The following MEI4 variants were observed in gnomAD, a reference collection of about 807,000 sequenced individuals.
MEI4 encodes meiosis-specific protein MEI4.
Under a neutral mutation model 31.4 loss-of-function variants are expected in MEI4, and 27 were observed. The observed-to-expected ratio is 0.86, with a 90% CI of 0.63 to 1.19. The LOEUF is 1.19. Among genes scored for constraint, MEI4 ranks in the 50% most tolerant of loss-of-function variants. MEI4 has a pLI of 0.00. For missense variants in MEI4, 329 were observed against 398.9 expected, an observed-to-expected ratio of 0.82 and a Z score of 1.49; for synonymous variants, 122 against 145.4, an observed-to-expected ratio of 0.84 and a Z score of 1.16.
intron 2 of MEI4, among the ~76,000 whole-genome samples, chr6:77,730,226 T>C (rs556135692): frequency 3.3e-5 from 5 of 152,150 alleles, no homozygotes; most frequent in Non-Finnish European, 5.9e-5. Flanking sequence ...TCAGTAATTT[T>C]ATTGTTTTTA....
chr6:77,798,019 AAAT>A (rs1181783992), intron 3 of MEI4, among the ~76,000 whole-genome samples: 1 of 152,160 alleles, frequency 6.6e-6, no homozygotes, highest in Non-Finnish European at 1.5e-5. Context: ...TTTATAATAT[AAAT>A]AATAATAGTA....
At chr6:77,785,808 C>A (rs989677672) in intron 3 of MEI4, among the ~76,000 whole-genome samples, 3 of 152,110 alleles carry the variant, frequency 2.0e-5, no homozygotes, top group Non-Finnish European at 4.4e-5. Context: ...GAAGGAACTG[C>A]CATTTTTTTG....
At chr6:77,714,563 A>G (rs1434593995) in intron 2 of MEI4, among the ~76,000 whole-genome samples, 2 of 152,248 alleles carry the variant, frequency 1.3e-5, no homozygotes, top group African/African-American at 2.4e-5. Flanking sequence ...AGGAGCTTCA[A>G]TGAATTAAAA....
rs182464308 is a variant in MEI4, at chr6:77,761,298, C to G, written c.401C>G (p.Pro134Arg). The change falls in exon 3 of 5, where the codon CCT (proline) becomes CGT (arginine). Residue 134 changes from proline to arginine, a missense_variant. Physicochemically the swap from Pro to Arg is moderately radical, Grantham distance 103. Transcript: ENST00000684080. The part of the protein sequence containing the change: ...SCTPTHFPPL[P>R]LVKRPCAILQ... ...ACCCCCACTCACTTTCCACCACTGC[C>G]TCTTGTGAAAAGACCTTGTGCTATC... 208 of 1,232,652 alleles carry G rather than the reference C, an allele frequency of 1.7e-4. No homozygotes were observed. In the East Asian group the frequency reaches 5.8e-3, roughly 34 times the overall value. 76.4% of individuals were successfully genotyped at this position (1,232,652 alleles called of 1,614,324 possible).
At position 77,918,043 on chromosome 6, in the gene MEI4, G is replaced by A. The variant is rs1199549353; in HGVS notation, c.901-5046G>A. Among the ~76,000 whole-genome samples the A allele has an allele frequency of 2.6e-5, 4 of 151,370 alleles. No homozygotes were observed. In the South Asian group the frequency reaches 6.3e-4, roughly 24 times the overall value. Reference sequence around the variant, plus strand: ...ATAGGGAATCCTTTCCCCATTGCTTGTTTTTCTCAGGTTTGTCAAAGATCA... The same window carrying A: ...ATAGGGAATCCTTTCCCCATTGCTTATTTTTCTCAGGTTTGTCAAAGATCA... On this transcript the variant is annotated intron_variant, in intron 4 of 4. Transcript: ENST00000684080.
intron 4 of MEI4, among the ~76,000 whole-genome samples, chr6:77,892,303 A>G (rs894275164): frequency 5.9e-5 from 9 of 152,094 alleles, no homozygotes; most frequent in Admixed American, 5.9e-4. Context: ...CAGTGGTGGT[A>G]AGGTCAGGTT....
chr6:77,883,744 A>ATATATATATATATATATATAT (rs1491236242), intron 4 of MEI4, among the ~76,000 whole-genome samples: 82 of 124,912 alleles, frequency 6.6e-4, no homozygotes, highest in Non-Finnish European at 9.5e-4. Context: ...ATATATATAT[A>ATATATATATATATATATATAT]ACTTTGTCTT....
intron 4 of MEI4, among the ~76,000 whole-genome samples, chr6:77,868,913 T>C (rs1771130230): frequency 6.6e-6 from 1 of 152,064 alleles, no homozygotes; most frequent in Non-Finnish European, 1.5e-5. Flanking sequence ...GATTGGTAAC[T>C]AGAAGAACAG....
chr6:77,772,548 T>C (rs1381977788), intron 3 of MEI4, among the ~76,000 whole-genome samples: 2 of 151,906 alleles, frequency 1.3e-5, no homozygotes, highest in Non-Finnish European at 2.9e-5. Flanking sequence ...ATAAACTGGA[T>C]ATATTAATAG....
At chr6:77,817,334 G>A (rs1769712400) in intron 3 of MEI4, among the ~76,000 whole-genome samples, 1 of 152,126 alleles carries the variant, frequency 6.6e-6, no homozygotes, top group Non-Finnish European at 1.5e-5. Flanking sequence ...CTTGAGTTGC[G>A]AGGAGCATCC....
intron 2 of MEI4, among the ~76,000 whole-genome samples, chr6:77,757,362 GTT>G (rs554555663): frequency 6.6e-6 from 1 of 152,156 alleles, no homozygotes; most frequent in Non-Finnish European, 1.5e-5. Flanking sequence ...TTCTTTGTGT[GTT>G]TTTCCATATT....
chr6:77,888,560 A>G (rs1236189344), intron 4 of MEI4, among the ~76,000 whole-genome samples: 1 of 152,090 alleles, frequency 6.6e-6, no homozygotes, highest in African/African-American at 2.4e-5. Flanking sequence ...CAGTATTTGT[A>G]TGGGAAAGAC....
chr6:77,791,689 A>G (rs1768940417), intron 3 of MEI4, among the ~76,000 whole-genome samples: 1 of 150,244 alleles, frequency 6.7e-6, no homozygotes, highest in Non-Finnish European at 1.5e-5. Context: ...AAAAAAAAAA[A>G]AAAGAAATAT....
rs141334876 is a variant in MEI4, at chr6:77,733,783, C to G, written c.233-27347C>G. On this transcript the variant is annotated intron_variant, in intron 2 of 4. Transcript: ENST00000684080. ...GGCATTTAGTGCTATAAATTTCCCTCTACACAGTGCTTTGAATGTGTCCCA... is the reference window on the plus strand; with the variant it reads ...GGCATTTAGTGCTATAAATTTCCCTGTACACAGTGCTTTGAATGTGTCCCA... 6.3e-4 allele frequency among the ~76,000 whole-genome samples: 96 copies of G among 152,146 alleles called. No homozygotes were observed. In the East Asian group the frequency reaches 0.018, roughly 28 times the overall value.
intron 2 of MEI4, among the ~76,000 whole-genome samples, chr6:77,760,509 T>C (rs2127681991): frequency 6.6e-6 from 1 of 152,278 alleles, no homozygotes; most frequent in African/African-American, 2.4e-5. Flanking sequence ...TTATACTTTC[T>C]GTGGAAGCAA....
At chr6:77,673,758 T>G (rs1768790044) in intron 1 of MEI4, among the ~76,000 whole-genome samples, 1 of 152,182 alleles carries the variant, frequency 6.6e-6, no homozygotes, top group South Asian at 2.1e-4. Context: ...GAGGTGAACT[T>G]TGGCTTAGCC....
At chr6:77,735,796 G>T (rs541240632) in intron 2 of MEI4, among the ~76,000 whole-genome samples, 2 of 152,026 alleles carry the variant, frequency 1.3e-5, no homozygotes, top group African/African-American at 4.8e-5. Flanking sequence ...TGATGGTGAC[G>T]TACAGATGGG....
intron 3 of MEI4, among the ~76,000 whole-genome samples, chr6:77,805,748 A>G (rs1452620938): frequency 2.0e-5 from 3 of 152,110 alleles, no homozygotes; most frequent in African/African-American, 7.2e-5. Flanking sequence ...GTATTGTTTA[A>G]AAATATATAC....
intron 2 of MEI4, among the ~76,000 whole-genome samples, chr6:77,726,358 TTCCCCAC>T: frequency 6.6e-6 from 1 of 151,692 alleles, no homozygotes; most frequent in African/African-American, 2.4e-5. Flanking sequence ...TCTCTTGCTT[TTCCCCAC>T]AGCATATATA....
Sources: gnomAD v4.1 joint callset for allele counts (sites outside exome capture counted in the v4.1 genomes callset) on GRCh38, gnomAD v4.1.1 for gene constraint, MANE v1.5 for transcripts, NCBI Gene and HGNC (gene_info 2026-07-23, HGNC 2026-07-21) for gene names.